Variants in MTURN observed in about 807,000 individuals in gnomAD.
The protein encoded by MTURN is maturin.
In MTURN, 7 loss-of-function variants were observed where a neutral mutation model predicts 14.9. The observed-to-expected ratio is 0.47, with a 90% CI of 0.27 to 0.88. The LOEUF is 0.88. MTURN is among the 40% of genes least tolerant of loss of function. The pLI, the probability that MTURN is intolerant of heterozygous loss-of-function variation, is 0.14. For synonymous variants in MTURN, 69 were observed against 72.5 expected, an observed-to-expected ratio of 0.95 and a Z score of 0.25; for missense variants, 151 against 174.1, an observed-to-expected ratio of 0.87 and a Z score of 0.75.
intron 2 of MTURN, among the ~76,000 whole-genome samples, chr7:30,149,119 A>G (rs1583508038): frequency 6.6e-6 from 1 of 152,156 alleles, no homozygotes; most frequent in African/African-American, 2.4e-5. Flanking sequence ...CTCTGGTTGT[A>G]TTTTGGCAAC....
chr7:30,160,361 C>T lies in MTURN; in HGVS notation c.*2813C>T, dbSNP rs1797350887. ...AAGGGAAAGGTGAGGCCCCAGAGGACTTATCTCAGCTGTACATGCTCTGCC... is the reference window on the plus strand; with the variant it reads ...AAGGGAAAGGTGAGGCCCCAGAGGATTTATCTCAGCTGTACATGCTCTGCC... On this transcript the variant is annotated 3_prime_UTR_variant, in exon 3 of 3. Coordinates refer to ENST00000324453, the MANE Select transcript of MTURN (RefSeq NM_152793.3). The T allele has an allele frequency of 6.6e-6, 1 of 152,146 alleles. No individual in the cohort carries two copies. The highest frequency in any genetic ancestry group is 1.5e-5 in the Non-Finnish European group (1 of 68,062). 9.4% of individuals were successfully genotyped at this position (152,146 alleles called of 1,614,324 possible).
At chr7:30,140,394 G>GGT (rs749509362) in intron 1 of MTURN, among the ~76,000 whole-genome samples, 249 of 36,322 alleles carry the variant, frequency 6.9e-3, no homozygotes, top group African/African-American at 0.013. Context: ...TTTGTAGAGG[G>GGT]GTGTGTGTGT....
chr7:30,143,103 T>C (rs1797075947), intron 1 of MTURN, among the ~76,000 whole-genome samples: 1 of 152,182 alleles, frequency 6.6e-6, no homozygotes, highest in African/African-American at 2.4e-5. Flanking sequence ...GGTTTTGGAA[T>C]GGGCCCCTGT....
rs368700777 is a variant in MTURN at position 30,157,481 on chromosome 7, A to G, written c.329A>G (p.Tyr110Cys). Reference sequence around the variant, plus strand: ...GCAGATGACGATGCGTTTGAAGAGTACAGTGCTGACGTGGAAGAAGAGGAG... The same window carrying G: ...GCAGATGACGATGCGTTTGAAGAGTGCAGTGCTGACGTGGAAGAAGAGGAG... The part of the protein sequence containing the change: ...PDADDDAFEE[Y>C]SADVEEEEPE... The change falls in exon 3 of 3, where the codon TAC (tyrosine) becomes TGC (cysteine). Residue 110 changes from tyrosine (Y) to cysteine (C), a missense_variant. Transcript: ENST00000324453. 5 of 1,608,598 alleles carry G rather than the reference A, an allele frequency of 3.1e-6. No individual in the cohort carries two copies. The Admixed American group carries it at 8.5e-5, about 27-fold the overall frequency.
intron 1 of MTURN, chr7:30,145,736 G>A (rs1797119287): frequency 8.1e-7 from 1 of 1,236,402 alleles, no homozygotes; most frequent in Non-Finnish European, 1.1e-6. Flanking sequence ...AGAATGTCTT[G>A]TTCCAAGTTA....
intron 1 of MTURN, among the ~76,000 whole-genome samples, chr7:30,142,023 C>A (rs1230316080): frequency 2.6e-5 from 4 of 152,158 alleles, no homozygotes; most frequent in Non-Finnish European, 5.9e-5. Context: ...TGCATACCCA[C>A]CAGGATTTAG....
rs561730642 is a variant in MTURN at position 30,161,709 on chromosome 7, C to T, written c.*4161C>T. Reference sequence around the variant, plus strand: ...TTAAGCGATCACAGACCCCTCTCCCCTGCAGTGGGTGTTAGCTCCAAAGAG... The same window carrying T: ...TTAAGCGATCACAGACCCCTCTCCCTTGCAGTGGGTGTTAGCTCCAAAGAG... On this transcript the variant is annotated 3_prime_UTR_variant, in exon 3 of 3. Coordinates refer to ENST00000324453, the MANE Select transcript of MTURN (RefSeq NM_152793.3). The T allele has an allele frequency of 2.0e-5, 3 of 152,344 alleles. No individual in the cohort carries two copies. The East Asian group carries it at 5.8e-4, about 29-fold the overall frequency. The allele number at this position is 152,344 out of a possible 1,614,324, so 9.4% of individuals were successfully genotyped here.
chr7:30,150,040 G>A (rs916021286), intron 2 of MTURN, among the ~76,000 whole-genome samples: 1 of 152,216 alleles, frequency 6.6e-6, no homozygotes, highest in African/African-American at 2.4e-5. Context: ...TTAAGTCTCA[G>A]TTCTACCACT....
chr7:30,139,837 G>A (rs983618556), intron 1 of MTURN, among the ~76,000 whole-genome samples: 1 of 152,130 alleles, frequency 6.6e-6, no homozygotes, highest in African/African-American at 2.4e-5. Flanking sequence ...CCTCTACCTG[G>A]GACCCCTCTC....
intron 1 of MTURN, among the ~76,000 whole-genome samples, chr7:30,143,817 G>C (rs769551140): frequency 2.6e-5 from 4 of 152,200 alleles, no homozygotes; most frequent in Non-Finnish European, 5.9e-5. Flanking sequence ...TAAATATACT[G>C]TCTGATTACC....
chr7:30,148,295 G>A lies in MTURN; in HGVS notation c.285+1996G>A, dbSNP rs570409046. 1.8e-4 allele frequency among the ~76,000 whole-genome samples: 28 copies of A among 152,340 alleles called. No homozygotes were observed. The South Asian group carries it at 4.3e-3, about 24-fold the overall frequency. On this transcript the variant is annotated intron_variant, in intron 2 of 2. Transcript: ENST00000324453. ...AGAGCAGCAGGTATGAAGGCCTCGGGGTTGGACAACACCTGTGTCCAGGGA... is the reference window on the plus strand; with the variant it reads ...AGAGCAGCAGGTATGAAGGCCTCGGAGTTGGACAACACCTGTGTCCAGGGA...
chr7:30,160,353 C>T lies in MTURN; in HGVS notation c.*2805C>T, dbSNP rs1265088051. 6.6e-6 allele frequency: 1 copy of T among 152,226 alleles called. No homozygotes were observed. Among genetic ancestry groups the T allele is most frequent in the Non-Finnish European group, 1.5e-5 (1 of 68,084 alleles). The allele number at this position is 152,226 out of a possible 1,614,324, so 9.4% of individuals were successfully genotyped here. ...TTAGAGGAAAGGGAAAGGTGAGGCC[C>T]CAGAGGACTTATCTCAGCTGTACAT... On this transcript the variant is annotated 3_prime_UTR_variant, in exon 3 of 3. Transcript: ENST00000324453.
chr7:30,148,095 T>G (rs1285798886), intron 2 of MTURN, among the ~76,000 whole-genome samples: 1 of 152,126 alleles, frequency 6.6e-6, no homozygotes, highest in African/African-American at 2.4e-5. Flanking sequence ...TGCTAGTAAT[T>G]AAGTGCCAAA....
chr7:30,139,713 T>C (rs1797019471), intron 1 of MTURN, among the ~76,000 whole-genome samples: 1 of 152,056 alleles, frequency 6.6e-6, no homozygotes, highest in African/African-American at 2.4e-5. Flanking sequence ...CAGGGGCCCA[T>C]GTTTAGTAAA....
chr7:30,137,556 T>G (rs1323350100), intron 1 of MTURN: 1 of 468,186 alleles, frequency 2.1e-6, no homozygotes, highest in Non-Finnish European at 4.4e-6. Flanking sequence ...ATAGAATAGA[T>G]AGAAAGATAG....
rs1796918422 is a variant in MTURN, at chr7:30,135,013, G to A, written c.-124G>A. ...TCCGCACCGCATGTAAACAGTCCCA[G>A]CCGGCCCAGCCCGGCCCCGGAGGAG... is the stretch of plus-strand genomic sequence containing the variant. On this transcript the variant is annotated 5_prime_UTR_variant, in exon 1 of 3. Coordinates refer to ENST00000324453, the MANE Select transcript of MTURN (RefSeq NM_152793.3). 2.3e-6 allele frequency: 2 copies of A among 857,818 alleles called. No homozygotes were observed. Among genetic ancestry groups the A allele is most frequent in the Non-Finnish European group, 2.9e-6 (2 of 699,030 alleles). The allele number at this position is 857,818 out of a possible 1,614,324, so 53.1% of individuals were successfully genotyped here.
intron 1 of MTURN, among the ~76,000 whole-genome samples, chr7:30,144,151 T>A (rs1323456357): frequency 6.6e-6 from 1 of 152,230 alleles, no homozygotes; most frequent in East Asian, 1.9e-4. Context: ...AGTCCACCAT[T>A]TACTGAATAT....
chr7:30,140,353 A>G (rs1162026301), intron 1 of MTURN, among the ~76,000 whole-genome samples: 1 of 149,292 alleles, frequency 6.7e-6, no homozygotes, highest in East Asian at 2.0e-4. Flanking sequence ...GGCTTTATTT[A>G]TGGCAGGACT....
intron 1 of MTURN, among the ~76,000 whole-genome samples, chr7:30,136,463 C>A (rs1421728545): frequency 6.6e-6 from 1 of 152,112 alleles, no homozygotes; most frequent in South Asian, 2.1e-4. Flanking sequence ...TGGTGCGGGG[C>A]GCGGCCTGGT....
Sources: gnomAD v4.1 joint callset for allele counts (sites outside exome capture counted in the v4.1 genomes callset) on GRCh38, gnomAD v4.1.1 for gene constraint, MANE v1.5 for transcripts, NCBI Gene and HGNC (gene_info 2026-07-23, HGNC 2026-07-21) for gene names.